OSBPL10: variants seen among roughly 807,000 people sequenced by gnomAD.
OSBPL10 encodes the protein oxysterol binding protein like 10, also known as oxysterol-binding protein-related protein 10.
OSBPL10 carries 49 observed loss-of-function variants against 81.7 expected under a neutral mutation model. The observed-to-expected ratio is 0.60, with a 90% CI of 0.48 to 0.76. The LOEUF is 0.76. Ranked by LOEUF, OSBPL10 falls within the 30% of genes least tolerant of loss-of-function variation. The probability of loss-of-function intolerance (pLI) is 0.00; values close to 1 mark genes in which losing one functional copy is unlikely to be tolerated. For synonymous variants in OSBPL10, 419 were observed against 383.6 expected, an observed-to-expected ratio of 1.09 and a Z score of -1.08; for missense variants, 923 against 987.8, an observed-to-expected ratio of 0.93 and a Z score of 0.88.
At chr3:31,944,831 T>A (rs1262625482) in intron 1 of OSBPL10, among the ~76,000 whole-genome samples, 1 of 67,616 alleles carries the variant, frequency 1.5e-5, no homozygotes, top group African/African-American at 6.4e-5. Flanking sequence ...ACCCCCTCTC[T>A]TTAAAAAAAA....
At chr3:31,925,470 A>G (rs1364280497) in intron 1 of OSBPL10, among the ~76,000 whole-genome samples, 2 of 142,248 alleles carry the variant, frequency 1.4e-5, no homozygotes, top group Non-Finnish European at 3.0e-5. Flanking sequence ...TGTTAAATTC[A>G]TCATGCAAAG....
intron 4 of OSBPL10, among the ~76,000 whole-genome samples, chr3:31,753,135 T>C (rs190822746): frequency 5.3e-4 from 81 of 152,066 alleles, no homozygotes; most frequent in African/African-American, 1.9e-3. Flanking sequence ...CGTAGGCACT[T>C]TTTCACTTGG....
At chr3:31,761,592 G>A (rs561376283) in intron 4 of OSBPL10, among the ~76,000 whole-genome samples, 111 of 151,646 alleles carry the variant, frequency 7.3e-4, no homozygotes, top group Admixed American at 3.5e-3. Flanking sequence ...CGAAGTGGGC[G>A]GATCACTTGA....
rs1251724640 is a variant in OSBPL10 at position 31,981,045 on chromosome 3, C to A, written c.135G>T (p.Ala45=). The change falls in exon 1 of 12, where the codon GCG becomes GCT. Residue 45 remains alanine, a synonymous_variant. Coordinates refer to ENST00000396556, the MANE Select transcript of OSBPL10 (RefSeq NM_017784.5). The surrounding 1 kb of genome is among the most constrained non-coding windows in gnomAD (Gnocchi z 4.5). The part of the protein sequence containing the change: ...LAGRGVSSRS[A]AAGLGGGGSR... Reference sequence around the variant, plus strand: ...TTCCCCCGCCGCCGAGCCCGGCCGCCGCCGACCGGCTGGAGACCCCCCGGC... The same window carrying A: ...TTCCCCCGCCGCCGAGCCCGGCCGCAGCCGACCGGCTGGAGACCCCCCGGC... 1 of 1,479,850 alleles carries A rather than the reference C, an allele frequency of 6.8e-7. No homozygotes were observed. Among genetic ancestry groups the A allele is most frequent in the Non-Finnish European group, 8.9e-7 (1 of 1,119,480 alleles). The allele number at this position is 1,479,850 out of a possible 1,614,324, so 91.7% of individuals were successfully genotyped here.
intron 4 of OSBPL10, among the ~76,000 whole-genome samples, chr3:31,759,975 TG>T: frequency 6.6e-6 from 1 of 152,334 alleles, no homozygotes; most frequent in East Asian, 1.9e-4. Context: ...TTGGCCAGGC[TG>T]GTCTCGAACT....
intron 8 of OSBPL10, among the ~76,000 whole-genome samples, chr3:31,672,065 A>G (rs1043004349): frequency 6.6e-5 from 9 of 135,796 alleles, no homozygotes; most frequent in African/African-American, 2.3e-4. Context: ...AGGAGGGTAG[A>G]GGACCAGAGG....
At chr3:31,822,948 T>C (rs370540086) in intron 4 of OSBPL10, among the ~76,000 whole-genome samples, 1,073 of 68,950 alleles carry the variant, frequency 0.016, 16 homozygotes, top group African/African-American at 0.044. Flanking sequence ...GAAAAAAAAA[T>C]ACAATACAAT....
At chr3:31,793,826 T>C (rs1335662227) in intron 4 of OSBPL10, among the ~76,000 whole-genome samples, 1 of 152,238 alleles carries the variant, frequency 6.6e-6, no homozygotes, top group Non-Finnish European at 1.5e-5. Context: ...GAACTCCACA[T>C]CTATAGGTTC....
chr3:31,733,078 A>G (rs1697027537), intron 6 of OSBPL10, 179 bp downstream of exon 6: 1 of 758,822 alleles, frequency 1.3e-6, no homozygotes, highest in East Asian at 2.9e-5. Context: ...TGCCAGACAC[A>G]AGAACATGAG....
At chr3:31,765,462 CA>C (rs1162569321) in intron 4 of OSBPL10, among the ~76,000 whole-genome samples, 1 of 150,934 alleles carries the variant, frequency 6.6e-6, no homozygotes, top group East Asian at 1.9e-4. Flanking sequence ...AAACTGTGGG[CA>C]AAAAAATATC....
At chr3:31,710,086 G>A (rs1322891220) in intron 6 of OSBPL10, among the ~76,000 whole-genome samples, 1 of 152,214 alleles carries the variant, frequency 6.6e-6, no homozygotes, top group Non-Finnish European at 1.5e-5. Flanking sequence ...TTAGGAGACA[G>A]AGATGCACAA....
At position 31,992,145 on chromosome 3, in the gene OSBPL10, C is replaced by CAAA. The variant is rs527764918; in HGVS notation, n.298+54343_298+54345dup. Among the ~76,000 whole-genome samples the CAAA allele has an allele frequency of 2.0e-3, 134 of 65,554 alleles. 1 individual carries two copies. Among genetic ancestry groups the CAAA allele is most frequent in the Middle Eastern group, 0.01 (1 of 98 alleles). The allele number at this position is 65,554 out of a possible 152,430, so 43.0% of individuals were successfully genotyped here. ...TAGGCAACAGAGCGAGACTCCATCT[C>CAAA]AAAAAAAAAAAAAAAAAGATATGTC... On this transcript the variant is annotated intron_variant and non_coding_transcript_variant, in intron 2 of 3. Transcript: ENST00000479173.
chr3:31,675,518 G>A (rs535597697), intron 8 of OSBPL10, among the ~76,000 whole-genome samples: 62 of 152,276 alleles, frequency 4.1e-4, no homozygotes, highest in South Asian at 1.7e-3. Context: ...CGTAAAGATG[G>A]AGAAGGCGAT....
intron 1 of OSBPL10, among the ~76,000 whole-genome samples, chr3:31,907,906 T>A (rs534280459): frequency 7.9e-5 from 12 of 152,218 alleles, no homozygotes; most frequent in African/African-American, 2.9e-4. Context: ...ACATAGTAAG[T>A]GTCCATAAGT....
chr3:31,935,190 C>T (rs527355351), intron 1 of OSBPL10, among the ~76,000 whole-genome samples: 74 of 152,262 alleles, frequency 4.9e-4, no homozygotes, highest in African/African-American at 1.6e-3. Context: ...ACTGTGTCAC[C>T]TTTGGCAACA....
intron 4 of OSBPL10, among the ~76,000 whole-genome samples, chr3:31,755,940 A>G (rs897421605): frequency 6.6e-6 from 1 of 152,216 alleles, no homozygotes; most frequent in Admixed American, 6.5e-5. Context: ...CTTTTCTACA[A>G]TCATTGCCTT....
chr3:31,706,196 C>T (rs759059984), intron 6 of OSBPL10, among the ~76,000 whole-genome samples: 15 of 152,160 alleles, frequency 9.9e-5, no homozygotes, highest in Admixed American at 2.0e-4. Context: ...AAAAGCTTCA[C>T]GGGCAGGCTG....
At chr3:32,043,774 C>A (rs1699596458) in intron 2 of OSBPL10, among the ~76,000 whole-genome samples, 2 of 152,308 alleles carry the variant, frequency 1.3e-5, no homozygotes, top group Admixed American at 1.3e-4. Flanking sequence ...AGCATGGATG[C>A]AGCTGGAGGC....
intron 3 of OSBPL10, among the ~76,000 whole-genome samples, chr3:31,869,057 C>T (rs1701252996): frequency 6.6e-6 from 1 of 152,170 alleles, no homozygotes; most frequent in South Asian, 2.1e-4. Flanking sequence ...GTCTGAACTT[C>T]CAAGCAGCAG....
Sources: allele counts gnomAD v4.1 joint callset (sites outside exome capture counted in the v4.1 genomes callset), GRCh38; gene constraint gnomAD v4.1.1; non-coding constraint Gnocchi (gnomAD v3.1); transcripts MANE v1.5; gene names NCBI Gene and HGNC (gene_info 2026-07-23, HGNC 2026-07-21).